TOX: variants seen among roughly 807,000 people sequenced by gnomAD.
TOX encodes thymocyte selection-associated high mobility group box protein TOX.
In TOX, 11 loss-of-function variants were observed where a neutral mutation model predicts 53.7. The observed-to-expected ratio is 0.20, with a 90% CI of 0.13 to 0.34. The LOEUF is 0.34. TOX is among the 10% of genes least tolerant of loss of function. The pLI is 1.00. For synonymous variants in TOX, 225 were observed against 245.3 expected, an observed-to-expected ratio of 0.92 and a Z score of 0.77; for missense variants, 570 against 664.6, an observed-to-expected ratio of 0.86 and a Z score of 1.56.
chr8:58,930,067 T>C (rs541777984), intron 3 of TOX, among the ~76,000 whole-genome samples: 9 of 152,330 alleles, frequency 5.9e-5, no homozygotes, highest in Non-Finnish European at 1.3e-4. Context: ...GTTAGATCTA[T>C]GTTTAGGGCT....
At chr8:59,007,232 T>C (rs992042376) in intron 1 of TOX, among the ~76,000 whole-genome samples, 1 of 149,168 alleles carries the variant, frequency 6.7e-6, no homozygotes, top group Non-Finnish European at 1.5e-5. Flanking sequence ...TTTTTTTTTT[T>C]CTTCAGTTAT....
At chr8:59,104,168 C>A (rs1245679017) in intron 1 of TOX, among the ~76,000 whole-genome samples, 2 of 152,192 alleles carry the variant, frequency 1.3e-5, no homozygotes, top group Non-Finnish European at 2.9e-5. Flanking sequence ...AGCCCACTGA[C>A]AACAGCAATT....
At chr8:59,024,451 A>G (rs1452480515) in intron 1 of TOX, among the ~76,000 whole-genome samples, 2 of 152,210 alleles carry the variant, frequency 1.3e-5, no homozygotes, top group East Asian at 3.8e-4. Context: ...CTAAGTGTCA[A>G]AGAAAATGGC....
intron 3 of TOX, among the ~76,000 whole-genome samples, chr8:58,865,628 C>T (rs527286370): frequency 6.6e-6 from 1 of 151,624 alleles, no homozygotes; most frequent in South Asian, 2.1e-4. Flanking sequence ...TGTGGACATG[C>T]CCTTCTTAAA....
chr8:58,815,026 C>T (rs1356533601), intron 7 of TOX, among the ~76,000 whole-genome samples: 3 of 152,136 alleles, frequency 2.0e-5, no homozygotes, highest in Non-Finnish European at 2.9e-5. Context: ...ATGTACTTTA[C>T]TCAAGAAACA....
chr8:58,990,411 A>T (rs1232960319), intron 1 of TOX, among the ~76,000 whole-genome samples: 2 of 150,828 alleles, frequency 1.3e-5, no homozygotes, highest in Non-Finnish European at 3.0e-5. Flanking sequence ...TCATTTATTT[A>T]TTTTTATTTA....
intron 1 of TOX, among the ~76,000 whole-genome samples, chr8:59,089,224 A>C (rs1305897255): frequency 6.6e-6 from 1 of 152,228 alleles, no homozygotes; most frequent in East Asian, 1.9e-4. Context: ...TTACGTGTTT[A>C]CAGGTGTATG....
intron 1 of TOX, among the ~76,000 whole-genome samples, chr8:59,028,887 A>C (rs2129419904): frequency 6.6e-6 from 1 of 152,210 alleles, no homozygotes; most frequent in South Asian, 2.1e-4. Flanking sequence ...ATATTTTTTC[A>C]ATTGTTTTTA....
intron 1 of TOX, among the ~76,000 whole-genome samples, chr8:59,052,678 T>C (rs1248129118): frequency 1.3e-5 from 2 of 152,238 alleles, no homozygotes; most frequent in Non-Finnish European, 2.9e-5. Context: ...ACTCCATTTC[T>C]GCCATTCACC....
chr8:58,875,447 A>G (rs1191939571), intron 3 of TOX, among the ~76,000 whole-genome samples: 1 of 152,172 alleles, frequency 6.6e-6, no homozygotes, highest in Non-Finnish European at 1.5e-5. Context: ...CTCTGTCATT[A>G]AGTTTTTCAA....
At position 58,931,984 on chromosome 8, in the gene TOX, A is replaced by G. The variant is rs987290927; in HGVS notation, c.411+7318T>C. ...GTTTGGGATAATATTTTATTATAGC[A>G]ATAAAAGCCCCAAATCGTTAACATA... On this transcript the variant is annotated intron_variant, in intron 3 of 8. Transcript: ENST00000361421. Among the ~76,000 whole-genome samples, 5 of 152,312 alleles carry G rather than the reference A, an allele frequency of 3.3e-5. No homozygotes were observed. The East Asian group carries it at 7.7e-4, about 24-fold the overall frequency.
chr8:58,852,562 A>G (rs908795434), intron 3 of TOX, among the ~76,000 whole-genome samples: 4 of 152,218 alleles, frequency 2.6e-5, no homozygotes, highest in Non-Finnish European at 2.9e-5. Context: ...AAGGATTAGA[A>G]TTAAAAGCAT....
intron 1 of TOX, among the ~76,000 whole-genome samples, chr8:59,068,260 T>C: frequency 6.6e-6 from 1 of 152,190 alleles, no homozygotes; most frequent in East Asian, 1.9e-4. Context: ...AAAATAATAT[T>C]TTCCCCAGTG....
At chr8:58,931,409 T>C (rs1812251585) in intron 3 of TOX, among the ~76,000 whole-genome samples, 1 of 152,162 alleles carries the variant, frequency 6.6e-6, no homozygotes, top group Non-Finnish European at 1.5e-5. Flanking sequence ...TTGGGGTTAT[T>C]TGGGCCAGAT....
At chr8:58,869,511 C>T (rs745732325) in intron 3 of TOX, among the ~76,000 whole-genome samples, 34 of 151,990 alleles carry the variant, frequency 2.2e-4, no homozygotes, top group Middle Eastern at 3.4e-3. Context: ...TAGAAACAGA[C>T]GAAAGACTTC....
chr8:59,066,158 C>A (rs1453710616), intron 1 of TOX, among the ~76,000 whole-genome samples: 4 of 152,198 alleles, frequency 2.6e-5, no homozygotes, highest in Non-Finnish European at 5.9e-5. Flanking sequence ...GTCTTGTGAA[C>A]AGTAAAAAGC....
intron 3 of TOX, among the ~76,000 whole-genome samples, chr8:58,939,000 C>A (rs1351224327): frequency 6.6e-6 from 1 of 152,186 alleles, no homozygotes; most frequent in Non-Finnish European, 1.5e-5. Flanking sequence ...TTCAAGATGA[C>A]TTTTTCTCTG....
intron 1 of TOX, among the ~76,000 whole-genome samples, chr8:59,008,457 C>T (rs1585960248): frequency 1.3e-5 from 2 of 152,226 alleles, no homozygotes; most frequent in East Asian, 1.9e-4. Flanking sequence ...GTCTGCTGGG[C>T]TGCTCACTTG....
intron 1 of TOX, among the ~76,000 whole-genome samples, chr8:59,083,972 T>A (rs139377170): frequency 6.6e-6 from 1 of 152,308 alleles, no homozygotes; most frequent in African/African-American, 2.4e-5. Flanking sequence ...CTATGAGTGT[T>A]AATTTTTATC....
Sources: allele counts gnomAD v4.1 joint callset (sites outside exome capture counted in the v4.1 genomes callset), GRCh38; gene constraint gnomAD v4.1.1; transcripts MANE v1.5; gene names NCBI Gene and HGNC (gene_info 2026-07-23, HGNC 2026-07-21).